The following NLRP6 variants were observed in gnomAD, a reference collection of about 807,000 sequenced individuals.
The protein encoded by NLRP6 is NACHT, LRR and PYD domains-containing protein 6.
Under a neutral mutation model 70.9 loss-of-function variants are expected in NLRP6, and 55 were observed. The ratio of observed to expected loss-of-function variants is 0.78; its 90% CI spans 0.62 to 0.97. NLRP6 has a LOEUF of 0.97. NLRP6 is among the 50% of genes least tolerant of loss of function. NLRP6 has a pLI of 0.00. For synonymous variants in NLRP6, 652 were observed against 581.9 expected, an observed-to-expected ratio of 1.12 and a Z score of -1.73; for missense variants, 1,241 against 1,238.3, an observed-to-expected ratio of 1.00 and a Z score of -0.03.
At position 281,645 on chromosome 11, in the gene NLRP6, C is replaced by G. The variant is rs752802017; in HGVS notation, c.1911C>G (p.Ala637=). ...ETQEDAFVRQ[A]LCRFPELALQ... ...AGGAGGACGCGTTTGTGCGCCAAGC[C>G]CTGTGCCGGTTCCCGGAGCTGGCGC... The change falls in exon 4 of 8, where the codon GCC becomes GCG. Residue 637 remains alanine, a synonymous_variant. Transcript: ENST00000534750. 6.2e-7 allele frequency: 1 copy of G among 1,613,390 alleles called. No homozygotes were observed. Among genetic ancestry groups the G allele is most frequent in the South Asian group, 1.1e-5 (1 of 91,028 alleles).
Position 285,158 on chromosome 11 carries a change from G to A in NLRP6, c.2538-8G>A, listed in dbSNP as rs1404453530. 1.3e-6 allele frequency: 2 copies of A among 1,578,916 alleles called. No homozygotes were observed. The highest frequency in any genetic ancestry group is 2.7e-5 in the African/African-American group (2 of 74,220). On this transcript the variant is annotated splice_region_variant and splice_polypyrimidine_tract_variant and intron_variant, in intron 7 of 7. Coordinates refer to ENST00000534750, the MANE Select transcript of NLRP6 (RefSeq NM_001276700.2). ...CTGACCCCGCTTCTGCTCTGCGTGT[G>A]GCTGCAGTCTGGCCTCTGTGGAGCT...
At chr11:279,170 C>T (rs949980896) in intron 1 of NLRP6, 157 bp from the exon 2 acceptor site, 6 of 599,518 alleles carry the variant, frequency 1.0e-5, no homozygotes, top group African/African-American at 9.5e-5. Context: ...GGGGTCACTC[C>T]CCGTTGCCCC....
At position 281,326 on chromosome 11, in the gene NLRP6, G is replaced by C. The variant is rs753563420; in HGVS notation, c.1592G>C (p.Arg531Pro). ...GCTGGCGGCGTTGGGACACTCCTGC[G>C]TGGGGACGCCCAGCCGCACAGCCAC... ...TAAGGVGTLL[R>P]GDAQPHSHLV... Residue 531 changes from arginine to proline, a missense_variant, in exon 4 of 8, where the codon CGT (arginine) becomes CCT (proline). Physicochemically the swap from Arg to Pro is moderately radical, Grantham distance 103. Coordinates refer to ENST00000534750, the MANE Select transcript of NLRP6 (RefSeq NM_001276700.2). 2 of 1,610,346 alleles carry C rather than the reference G, an allele frequency of 1.2e-6. No individual in the cohort carries two copies. The highest frequency in any genetic ancestry group is 2.2e-5 in the East Asian group (1 of 44,854).
Position 282,779 on chromosome 11 carries a change from G to A in NLRP6, c.2180G>A (p.Cys727Tyr), listed in dbSNP as rs1470613181. ...TTTCAGGCAATGACTGACCCACTGT[G>A]CCATCTGAGCAGCCTCACGTGAGTG... ...PLFQAMTDPL[C>Y]HLSSLTLSHC... The change falls in exon 5 of 8, where the codon TGC becomes TAC. Residue 727 changes from cysteine to tyrosine, a missense_variant. Transcript: ENST00000534750. 1.9e-6 allele frequency: 3 copies of A among 1,613,592 alleles called. No homozygotes were observed. Among genetic ancestry groups the A allele is most frequent in the Admixed American group, 3.3e-5 (2 of 60,024 alleles).
At chr11:284,853 G>C (rs1268677728) in intron 7 of NLRP6, among the ~76,000 whole-genome samples, 1 of 152,200 alleles carries the variant, frequency 6.6e-6, no homozygotes, top group East Asian at 1.9e-4. Flanking sequence ...CACTTTGTCT[G>C]ACCAAATGTT....
chr11:280,838 C>T lies in NLRP6; in HGVS notation c.1104C>T (p.Ala368=), dbSNP rs1210798250. 2.5e-6 allele frequency: 4 copies of T among 1,613,130 alleles called. No homozygotes were observed. Among genetic ancestry groups the T allele is most frequent in the South Asian group, 1.1e-5 (1 of 91,092 alleles). The stretch of plus-strand genomic sequence containing the variant: ...AGTATTTCCGGGATGAGAGGAGGGC[C>T]GAGCGCGCCTACCGCTTCGTGAAGG... ...FYKYFRDERR[A]ERAYRFVKEN... is the part of the protein sequence containing the mutation. The change falls in exon 4 of 8, where the codon GCC becomes GCT. Residue 368 remains alanine (A), a synonymous_variant. Coordinates refer to ENST00000534750, the MANE Select transcript of NLRP6 (RefSeq NM_001276700.2).
At chr11:285,097 G>A in intron 7 of NLRP6, 69 bp from the exon 8 acceptor site, 1 of 1,471,720 alleles carries the variant, frequency 6.8e-7, no homozygotes, top group Non-Finnish European at 9.2e-7. Flanking sequence ...TGCCCCCACG[G>A]CACTGCCCCC....
rs919147821 is a variant in NLRP6 at position 279,389 on chromosome 11, A to G, written c.92A>G (p.Gln31Arg). 3 of 1,341,826 alleles carry G rather than the reference A, an allele frequency of 2.2e-6. No homozygotes were observed. Among genetic ancestry groups the G allele is most frequent in the African/African-American group, 3.1e-5 (2 of 65,154 alleles). 83.1% of individuals were successfully genotyped at this position (1,341,826 alleles called of 1,614,324 possible). Residue 31 changes from glutamine to arginine, a missense_variant, in exon 2 of 8, where the codon CAA becomes CGA. Coordinates refer to ENST00000534750, the MANE Select transcript of NLRP6 (RefSeq NM_001276700.2). ...LLLAALEELS[Q>R]EQLKRFRHKL... ...CTGGCTGCGCTGGAGGAACTGAGCC[A>G]AGAGCAGCTGAAGCGCTTCCGCCAC...
intron 5 of NLRP6, 103 bp from the exon 6 acceptor site, chr11:284,127 T>A: frequency 9.6e-7 from 1 of 1,040,272 alleles, no homozygotes; most frequent in South Asian, 1.4e-5. Context: ...AACACATCTC[T>A]CAGCTGAACC....
chr11:285,294 C>A lies in NLRP6; in HGVS notation c.2666C>A (p.Ser889Ter), dbSNP rs776079117. 1 of 1,609,074 alleles carries A rather than the reference C, an allele frequency of 6.2e-7. No homozygotes were observed. The highest frequency in any genetic ancestry group is 2.2e-5 in the East Asian group (1 of 44,740). Residue 889 changes from serine to a stop codon, truncating the protein, a stop_gained, in exon 8 of 8, where the codon TCG becomes TAG. Transcript: ENST00000534750. LOFTEE classifies it high-confidence loss of function. Reference protein sequence around the residue: ...GHPQPPKELISTF With the variant: ...GHPQPPKELI The stretch of plus-strand genomic sequence containing the variant: ...CCACAACCTCCCAAGGAACTCATCT[C>A]GACCTTCTGAGGCTCTGGTGGCCAG...
At chr11:285,091 C>G in intron 7 of NLRP6, 75 bp from the exon 8 acceptor site, 1 of 1,391,364 alleles carries the variant, frequency 7.2e-7, no homozygotes, top group Non-Finnish European at 9.9e-7. Flanking sequence ...CCCGGCTGCC[C>G]CCACGGCACT....
chr11:281,405 C>G lies in NLRP6; in HGVS notation c.1671C>G (p.Arg557=). 2 of 1,608,550 alleles carry G rather than the reference C, an allele frequency of 1.2e-6. No homozygotes were observed. Among genetic ancestry groups the G allele is most frequent in the Non-Finnish European group, 1.7e-6 (2 of 1,177,996 alleles). ...GACTGCTGAGCGCGGAGCGGATGCG[C>G]GACATCGAGCGCCACTTCGGCTGCA... The part of the protein sequence containing the change: ...LFGLLSAERM[R]DIERHFGCMV... Residue 557 remains arginine (R), a synonymous_variant, in exon 4 of 8, where the codon CGC becomes CGG. Transcript: ENST00000534750.
intron 4 of NLRP6, 128 bp downstream of exon 4, chr11:281,967 G>GCCA: frequency 1.3e-6 from 1 of 786,760 alleles, no homozygotes; most frequent in Non-Finnish European, 2.0e-6. Context: ...CAGATGGGGA[G>GCCA]GCTTTGACCA....
chr11:285,068 T>G (rs1419423462), intron 7 of NLRP6, 98 bp from the exon 8 acceptor site: 16 of 1,082,964 alleles, frequency 1.5e-5, no homozygotes, highest in African/African-American at 3.1e-5. Flanking sequence ...GCACTGCCCG[T>G]CACTGCCCGC....
At chr11:282,892 G>A (rs992036038) in intron 5 of NLRP6, 95 bp downstream of exon 5, 5 of 918,584 alleles carry the variant, frequency 5.4e-6, no homozygotes, top group Admixed American at 1.8e-5. Context: ...AGAAGGCTGA[G>A]GGGTCAGACC....
rs758482609 is a variant in NLRP6, at chr11:281,576, G to A, written c.1842G>A (p.Glu614=). The A allele has an allele frequency of 2.5e-6, 4 of 1,611,152 alleles. No homozygotes were observed. The highest frequency in any genetic ancestry group is 3.4e-6 in the Non-Finnish European group (4 of 1,178,824). The change falls in exon 4 of 8, where the codon GAG becomes GAA. Residue 614 remains glutamate, a synonymous_variant. Coordinates refer to ENST00000534750, the MANE Select transcript of NLRP6 (RefSeq NM_001276700.2). ...CAGAGGAGGAGGAGGAGGGAGAGGA[G>A]CCCAACTACCCACTGGAGTTGCTGT... The part of the protein sequence containing the change: ...EEPEEEEEGE[E]PNYPLELLYC...
intron 3 of NLRP6, 76 bp from the exon 4 acceptor site, chr11:280,008 A>G: frequency 7.1e-7 from 1 of 1,412,872 alleles, no homozygotes; most frequent in Non-Finnish European, 9.3e-7. Flanking sequence ...AGGGCCGGGG[A>G]GGGCGTGGGC....
intron 1 of NLRP6, 166 bp from the exon 2 acceptor site, chr11:279,161 G>T: frequency 3.7e-6 from 2 of 545,212 alleles, no homozygotes. Flanking sequence ...GAAAAGTCTG[G>T]GGTCACTCCC....
chr11:284,415 G>A lies in NLRP6; in HGVS notation c.2369+15G>A, dbSNP rs1845526466. 2 of 1,599,836 alleles carry A rather than the reference G, an allele frequency of 1.3e-6. No individual in the cohort carries two copies. Among genetic ancestry groups the A allele is most frequent in the African/African-American group, 1.3e-5 (1 of 74,676 alleles). Reference sequence around the variant, plus strand: ...CAGACGGTCAGGTGAGGCCTGGCCTGGGAGGGACCGTGGGATGCCCCCGCC... The same window carrying A: ...CAGACGGTCAGGTGAGGCCTGGCCTAGGAGGGACCGTGGGATGCCCCCGCC... On this transcript the variant is annotated intron_variant, in intron 6 of 7. Transcript: ENST00000534750.
Sources: allele counts gnomAD v4.1 joint callset (sites outside exome capture counted in the v4.1 genomes callset), GRCh38; gene constraint gnomAD v4.1.1; transcripts MANE v1.5; gene names NCBI Gene and HGNC (gene_info 2026-07-23, HGNC 2026-07-21).